The following GRM7 variants were observed in gnomAD, a reference collection of about 807,000 sequenced individuals.
GRM7 encodes metabotropic glutamate receptor 7.
A neutral mutation model predicts 84.5 loss-of-function variants in GRM7; 35 were observed. The ratio of observed to expected loss-of-function variants is 0.41; its 90% CI spans 0.32 to 0.55. GRM7 has a LOEUF of 0.55. GRM7 is among the 20% of genes least tolerant of loss of function. The probability of loss-of-function intolerance (pLI) is 0.19; values close to 1 mark genes in which losing one functional copy is unlikely to be tolerated. For missense variants in GRM7, 1,003 were observed against 1,194.6 expected (o/e 0.84, Z 2.36); for synonymous variants, 487 against 455.1 (o/e 1.07, Z -0.89).
chr3:7,695,907 C>T (rs1234020038), intron 9 of GRM7, among the ~76,000 whole-genome samples: 2 of 152,148 alleles, frequency 1.3e-5, no homozygotes, highest in Admixed American at 1.3e-4. Flanking sequence ...ATACCTGTGG[C>T]TATTTAAATT....
chr3:7,279,523 T>A (rs1699184152), intron 2 of GRM7, among the ~76,000 whole-genome samples: 1 of 151,992 alleles, frequency 6.6e-6, no homozygotes, highest in Non-Finnish European at 1.5e-5. Context: ...CACCAGTAGA[T>A]GTGGGCAAAC....
intron 1 of GRM7, among the ~76,000 whole-genome samples, chr3:6,941,272 AC>A (rs1403223201): frequency 2.0e-5 from 3 of 152,194 alleles, no homozygotes; most frequent in African/African-American, 7.2e-5. Context: ...GTCTTGAAGA[AC>A]TTTTAAAGTA....
chr3:7,267,477 T>C (rs1408167055), intron 2 of GRM7, among the ~76,000 whole-genome samples: 1 of 152,178 alleles, frequency 6.6e-6, no homozygotes, highest in Non-Finnish European at 1.5e-5. Context: ...AATTGTACCT[T>C]TGTGAGGGCT....
chr3:7,024,339 A>G (rs1695894473), intron 1 of GRM7, among the ~76,000 whole-genome samples: 1 of 152,220 alleles, frequency 6.6e-6, no homozygotes, highest in Non-Finnish European at 1.5e-5. Flanking sequence ...AGGAAATCAG[A>G]CCAAACCCAG....
intron 2 of GRM7, among the ~76,000 whole-genome samples, chr3:7,152,624 A>C (rs1476000396): frequency 6.6e-6 from 1 of 152,166 alleles, no homozygotes; most frequent in East Asian, 1.9e-4. Flanking sequence ...ACTACCAGCT[A>C]ACTTCAATTT....
intron 2 of GRM7, among the ~76,000 whole-genome samples, chr3:7,172,902 T>C (rs1038356345): frequency 6.6e-6 from 1 of 152,130 alleles, no homozygotes; most frequent in African/African-American, 2.4e-5. Flanking sequence ...CAGAGGAGGA[T>C]ACACATATAC....
At chr3:7,694,867 A>AAATC (rs1575642503) in intron 9 of GRM7, among the ~76,000 whole-genome samples, 1 of 152,312 alleles carries the variant, frequency 6.6e-6, no homozygotes, top group South Asian at 2.1e-4. Context: ...GGTCTAATTT[A>AAATC]AATCATTTGT....
intron 8 of GRM7, among the ~76,000 whole-genome samples, chr3:7,668,137 C>T (rs1158521913): frequency 6.6e-6 from 1 of 152,204 alleles, no homozygotes; most frequent in East Asian, 1.9e-4. Flanking sequence ...ACCCTCAGGA[C>T]AGCAGAGTCC....
chr3:7,445,095 A>G (rs995602414), intron 5 of GRM7, among the ~76,000 whole-genome samples: 1 of 152,174 alleles, frequency 6.6e-6, no homozygotes, highest in Admixed American at 6.5e-5. Flanking sequence ...AAGGGAAGTC[A>G]AGCAAGAATA....
intron 1 of GRM7, among the ~76,000 whole-genome samples, chr3:7,126,293 A>G (rs900775310): frequency 1.3e-5 from 2 of 152,194 alleles, no homozygotes; most frequent in African/African-American, 4.8e-5. Flanking sequence ...TGAAAATGCC[A>G]TCTATTACCA....
intron 9 of GRM7, among the ~76,000 whole-genome samples, chr3:7,687,839 T>G (rs529064669): frequency 6.6e-6 from 1 of 152,170 alleles, no homozygotes; most frequent in East Asian, 1.9e-4. Context: ...TAATGACATT[T>G]TCTGTTGACT....
At chr3:7,189,302 G>A (rs1218725171) in intron 2 of GRM7, among the ~76,000 whole-genome samples, 1 of 152,082 alleles carries the variant, frequency 6.6e-6, no homozygotes, top group Non-Finnish European at 1.5e-5. Flanking sequence ...GAGAATTAGT[G>A]GACTGAGAAC....
At chr3:7,169,348 G>A (rs1487576439) in intron 2 of GRM7, among the ~76,000 whole-genome samples, 4 of 152,052 alleles carry the variant, frequency 2.6e-5, no homozygotes, top group Non-Finnish European at 5.9e-5. Flanking sequence ...TCAACACTAC[G>A]GCTCTTGCAA....
At chr3:7,509,101 A>G (rs1402610546) in intron 7 of GRM7, among the ~76,000 whole-genome samples, 1 of 152,134 alleles carries the variant, frequency 6.6e-6, no homozygotes, top group Admixed American at 6.6e-5. Context: ...TCCTTTGTCC[A>G]ATGTGCCACA....
Position 7,740,828 on chromosome 3 carries a change from C to T in GRM7, c.*422C>T, listed in dbSNP as rs1702669108. The T allele has an allele frequency of 6.4e-6, 1 of 157,412 alleles. No homozygotes were observed. Among genetic ancestry groups the T allele is most frequent in the South Asian group, 2.1e-4 (1 of 4,856 alleles). 9.8% of individuals were successfully genotyped at this position (157,412 alleles called of 1,614,324 possible). A position where few individuals can be genotyped will look rare whatever the true frequency, so the allele number is the denominator to read the frequency against. ...TTGCACTTTGCCATCTGATGTCGTA[C>T]CTCGGTTCACTGTTTGTTTTCGAAT... On this transcript the variant is annotated 3_prime_UTR_variant, in exon 10 of 10. Coordinates refer to ENST00000357716, the MANE Select transcript of GRM7 (RefSeq NM_000844.4).
intron 9 of GRM7, among the ~76,000 whole-genome samples, chr3:7,715,449 T>C (rs948816948): frequency 2.0e-5 from 3 of 152,064 alleles, no homozygotes; most frequent in Non-Finnish European, 4.4e-5. Flanking sequence ...CTCCACGCCA[T>C]AGCATGACCC....
At chr3:7,389,085 T>C (rs947630649) in intron 4 of GRM7, among the ~76,000 whole-genome samples, 2 of 152,134 alleles carry the variant, frequency 1.3e-5, no homozygotes, top group African/African-American at 4.8e-5. Flanking sequence ...TGTTTCTATT[T>C]TCATTTGTCT....
At chr3:7,553,602 A>T (rs1461295566) in intron 7 of GRM7, among the ~76,000 whole-genome samples, 2 of 152,148 alleles carry the variant, frequency 1.3e-5, no homozygotes, top group African/African-American at 4.8e-5. Context: ...GTGGAAGGTG[A>T]AGAGGGAGCA....
At chr3:6,974,284 G>A (rs1693896676) in intron 1 of GRM7, among the ~76,000 whole-genome samples, 3 of 151,910 alleles carry the variant, frequency 2.0e-5, no homozygotes, top group Admixed American at 2.0e-4. Context: ...GAGTTTTGGA[G>A]AAAAAAAATT....
Sources: gnomAD v4.1 joint callset for allele counts (sites outside exome capture counted in the v4.1 genomes callset) on GRCh38, gnomAD v4.1.1 for gene constraint, MANE v1.5 for transcripts, NCBI Gene and HGNC (gene_info 2026-07-23, HGNC 2026-07-21) for gene names.